IFT172: variants seen among roughly 807,000 people sequenced by gnomAD.
IFT172 encodes intraflagellar transport protein 172 homolog.
IFT172 carries 164 observed loss-of-function variants against 248.9 expected under a neutral mutation model. The ratio of observed to expected loss-of-function variants is 0.66; its 90% CI spans 0.58 to 0.75. IFT172 has a LOEUF of 0.75. Ranked by LOEUF, IFT172 falls within the 30% of genes least tolerant of loss-of-function variation. The pLI, the probability that IFT172 is intolerant of heterozygous loss-of-function variation, is 0.00. For missense variants in IFT172, 1,950 were observed against 2,192.4 expected, an observed-to-expected ratio of 0.89 and a Z score of 2.21; for synonymous variants, 729 against 791.6, an observed-to-expected ratio of 0.92 and a Z score of 1.33.
At chr2:27,470,077 A>C (rs973049038) in intron 16 of IFT172, among the ~76,000 whole-genome samples, 1 of 152,038 alleles carries the variant, frequency 6.6e-6, no homozygotes, top group Non-Finnish European at 1.5e-5. Flanking sequence ...AAAGGTGCTT[A>C]AAGAAATTAA....
At chr2:27,453,925 C>T (rs561406790) in intron 33 of IFT172, 57 bp downstream of exon 33, 74 of 1,547,944 alleles carry the variant, frequency 4.8e-5, no homozygotes, top group Non-Finnish European at 6.2e-5. Context: ...GTGTGGCTCT[C>T]TGTGGGCTCT....
At chr2:27,465,558 G>T (rs1198794153) in intron 17 of IFT172, 40 bp from the exon 18 acceptor site, 1 of 1,596,702 alleles carries the variant, frequency 6.3e-7, no homozygotes, top group Non-Finnish European at 8.6e-7. Flanking sequence ...AATGAGGAAT[G>T]GGTTAGGAAG....
rs1669021752 is a variant in IFT172, at chr2:27,489,610, C to T, written c.39+5G>A. 2.5e-6 allele frequency: 4 copies of T among 1,610,662 alleles called. No individual in the cohort carries two copies. In the East Asian group the frequency reaches 8.9e-5, roughly 36 times the overall value. ...AGGGGGAGGGACTGGCACGCAATTC[C>T]TCACCTGAGGGCTCAGCAGGGTCCT... On this transcript the variant is annotated splice_donor_5th_base_variant and intron_variant, in intron 1 of 47. Transcript: ENST00000260570.
chr2:27,484,213 G>T lies in IFT172; in HGVS notation c.336+14C>A. ...TGTTCATCCTAAGGTTCCAGGGACT[G>T]GTCTGAACTTTACCGTCTGGATGAA... On this transcript the variant is annotated intron_variant, in intron 4 of 47. Transcript: ENST00000260570. 6.2e-7 allele frequency: 1 copy of T among 1,613,960 alleles called. No individual in the cohort carries two copies. Among genetic ancestry groups the T allele is most frequent in the Non-Finnish European group, 8.5e-7 (1 of 1,179,896 alleles).
rs534566990 is a variant in IFT172 at position 27,454,410 on chromosome 2, G to A, written c.3474C>T (p.Phe1158=). 279 of 1,614,106 alleles carry A rather than the reference G, an allele frequency of 1.7e-4. 1 individual carries two copies. In the South Asian group the frequency reaches 2.9e-3, roughly 17 times the overall value. Residue 1158 remains phenylalanine, a synonymous_variant, in exon 32 of 48, where the codon TTC becomes TTT. Coordinates refer to ENST00000260570, the MANE Select transcript of IFT172 (RefSeq NM_015662.3). This position sits in a 1 kb window ranked among gnomAD's most constrained non-coding sequence, Gnocchi z 4.2. ...TGATGAATTCAGCTTCAGCCTCTTC[G>A]AATTTACCCTACAGGGAGAGAAAGG... The part of the protein sequence containing the change: ...YAMFLEDEGK[F]EEAEAEFIRA...
At chr2:27,455,660 A>C (rs1160253409) in intron 30 of IFT172, 1 of 234,484 alleles carries the variant, frequency 4.3e-6, no homozygotes, top group African/African-American at 2.4e-5. Flanking sequence ...GCAGTGAGCC[A>C]AGGTTGCACC....
chr2:27,465,697 C>T, intron 17 of IFT172, 49 bp downstream of exon 17: 2 of 1,611,902 alleles, frequency 1.2e-6, no homozygotes, highest in Non-Finnish European at 1.7e-6. Flanking sequence ...CCTCCCCTCT[C>T]AGAACCAGAC....
At position 27,454,165 on chromosome 2, in the gene IFT172, G is replaced by A. The variant is rs1665960680; in HGVS notation, c.3531-3C>T. ...CCCAATCCTGGTTATGGACAAACCTGCCTCCAGGTGGGGACAGAGGAGAGA... is the reference window on the plus strand; with the variant it reads ...CCCAATCCTGGTTATGGACAAACCTACCTCCAGGTGGGGACAGAGGAGAGA... On this transcript the variant is annotated splice_polypyrimidine_tract_variant and splice_region_variant and intron_variant, in intron 32 of 47. Coordinates refer to ENST00000260570, the MANE Select transcript of IFT172 (RefSeq NM_015662.3). This position sits in a 1 kb window ranked among gnomAD's most constrained non-coding sequence, Gnocchi z 4.2. 2 of 1,610,728 alleles carry A rather than the reference G, an allele frequency of 1.2e-6. No individual in the cohort carries two copies. The highest frequency in any genetic ancestry group is 2.7e-5 in the African/African-American group (2 of 74,922).
chr2:27,461,155 C>T (rs1265179609), intron 22 of IFT172, 62 bp from the exon 23 acceptor site: 36 of 1,613,596 alleles, frequency 2.2e-5, no homozygotes, highest in East Asian at 4.5e-5. Flanking sequence ...GTATTAGCTC[C>T]GAAAACAAGG....
rs764036982 is a variant in IFT172, at chr2:27,481,454, TAC to T, written c.571-196_571-195del. Among the ~76,000 whole-genome samples, 1,058 of 135,502 alleles carry T rather than the reference TAC, an allele frequency of 7.8e-3. 8 individuals are homozygous for T. Among genetic ancestry groups the T allele is most frequent in the African/African-American group, 0.026 (938 of 36,388 alleles). The allele number at this position is 135,502 out of a possible 152,430, so 88.9% of individuals were successfully genotyped here. A position where few individuals can be genotyped will look rare whatever the true frequency, so the allele number is the denominator to read the frequency against. On this transcript the variant is annotated intron_variant, in intron 7 of 47. Coordinates refer to ENST00000260570, the MANE Select transcript of IFT172 (RefSeq NM_015662.3). ...ACACACACACACACACACACACACA[TAC>T]ACACACACACACACCCCTATACACA...
At chr2:27,461,926 GC>G in intron 20 of IFT172, 90 bp from the exon 21 acceptor site, 2 of 1,400,068 alleles carry the variant, frequency 1.4e-6, no homozygotes, top group Non-Finnish European at 2.0e-6. Context: ...TAAGATGCCA[GC>G]CCATGAGGAC....
chr2:27,445,069 C>T lies in IFT172; in HGVS notation c.5105G>A (p.Arg1702Gln), dbSNP rs775719395. The T allele has an allele frequency of 9.9e-6, 16 of 1,614,022 alleles. No homozygotes were observed. The highest frequency in any genetic ancestry group is 1.7e-5 in the Admixed American group (1 of 59,986). Residue 1702 changes from arginine to glutamine, a missense_variant, in exon 47 of 48, where the codon CGG becomes CAG. Arg to Gln is a conservative substitution (Grantham distance 43). Coordinates refer to ENST00000260570, the MANE Select transcript of IFT172 (RefSeq NM_015662.3). This position sits in a 1 kb window ranked among gnomAD's most constrained non-coding sequence, Gnocchi z 4.4. ...PILRNKIEFK[R>Q]PGKAANKDNW... Reference sequence around the variant, plus strand: ...GTCCTTGTTAGCAGCCTTCCCTGGCCGCTTAAATTCAATTTTGTTCCTCAG... The same window carrying T: ...GTCCTTGTTAGCAGCCTTCCCTGGCTGCTTAAATTCAATTTTGTTCCTCAG...
chr2:27,462,594 T>C (rs748236434), intron 20 of IFT172, 107 bp downstream of exon 20: 182 of 954,594 alleles, frequency 1.9e-4, no homozygotes, highest in Middle Eastern at 8.7e-4. Flanking sequence ...CCCCAAACCT[T>C]TGGAAGCCTA....
At chr2:27,466,664 AAAC>A (rs1667106525) in intron 16 of IFT172, among the ~76,000 whole-genome samples, 1 of 152,206 alleles carries the variant, frequency 6.6e-6, no homozygotes, top group African/African-American at 2.4e-5. Flanking sequence ...ATGAAAAAGT[AAAC>A]AATAACTACA....
At chr2:27,461,966 G>C in intron 20 of IFT172, 130 bp from the exon 21 acceptor site, 1 of 810,882 alleles carries the variant, frequency 1.2e-6, no homozygotes, top group East Asian at 2.6e-5. Context: ...TATACCAACA[G>C]AAATACTGGG....
chr2:27,473,333 T>C (rs184683674), intron 14 of IFT172, among the ~76,000 whole-genome samples: 1 of 134,100 alleles, frequency 7.5e-6, no homozygotes, highest in African/African-American at 2.8e-5. Flanking sequence ...TCGCGCCACT[T>C]CACTCCAGCC....
intron 22 of IFT172, 78 bp downstream of exon 22, chr2:27,461,191 T>C: frequency 6.2e-7 from 1 of 1,612,650 alleles, no homozygotes; most frequent in Non-Finnish European, 8.5e-7. Context: ...GGAAGCGCTC[T>C]GCACCCCAAG....
chr2:27,447,640 G>A lies in IFT172; in HGVS notation c.4540-6C>T, dbSNP rs146140583. On this transcript the variant is annotated splice_polypyrimidine_tract_variant and splice_region_variant and intron_variant, in intron 41 of 47. Transcript: ENST00000260570. ...GACTTCACCAGGTTTTCACACTAGA[G>A]GAGGGAGACAGCACAGCCTGGCTCA... 4.5e-3 allele frequency: 7,187 copies of A among 1,614,120 alleles called. 64 individuals carry two copies. The highest frequency in any genetic ancestry group is 4.2e-3 in the Non-Finnish European group (4,998 of 1,180,020).
In IFT172 at chr2:27,461,809, A is replaced by G. The variant is rs760187043; in HGVS notation, c.2143T>C (p.Tyr715His). Residue 715 changes from tyrosine (Y) to histidine (H), a missense_variant, in exon 21 of 48, where the codon TAC becomes CAC. Tyr to His is a moderately conservative substitution (Grantham distance 83). This residue lies in a region of IFT172 where 1,166 missense variants were observed against 1,254.1 expected (regional missense o/e 0.93). Coordinates refer to ENST00000260570, the MANE Select transcript of IFT172 (RefSeq NM_015662.3). ...QNAVEEAMGM[Y>H]QELHRWDECI... ...TCATCCCAACGGTGTAGCTCCTGGT[A>G]CATGCCCATGGCCTCCTCCACAGCA... 1 of 1,614,180 alleles carries G rather than the reference A, an allele frequency of 6.2e-7. No homozygotes were observed. The highest frequency in any genetic ancestry group is 1.7e-5 in the Admixed American group (1 of 60,024).
Sources: gnomAD v4.1 joint callset for allele counts (sites outside exome capture counted in the v4.1 genomes callset) on GRCh38, gnomAD v4.1.1 for gene constraint, gnomAD v4.1.1 regional missense constraint, Gnocchi (gnomAD v3.1) non-coding constraint, MANE v1.5 for transcripts, NCBI Gene and HGNC (gene_info 2026-07-23, HGNC 2026-07-21) for gene names.